TCF12: variants seen among roughly 807,000 people sequenced by gnomAD.
The protein encoded by TCF12 is transcription factor 12.
A neutral mutation model predicts 86.0 loss-of-function variants in TCF12; 45 were observed. The observed-to-expected ratio is 0.52, with a 90% confidence interval of 0.41 to 0.67. The LOEUF is 0.67. Among genes scored for constraint, TCF12 ranks in the 30% least tolerant of loss-of-function variants. TCF12 has a pLI of 0.00. For missense variants in TCF12, 881 were observed against 859.9 expected, an observed-to-expected ratio of 1.02 and a Z score of -0.31; for synonymous variants, 330 against 299.6, an observed-to-expected ratio of 1.10 and a Z score of -1.05.
chr15:57,045,214 A>G (rs1307850247), intron 3 of TCF12, among the ~76,000 whole-genome samples: 3 of 152,332 alleles, frequency 2.0e-5, no homozygotes, highest in East Asian at 1.9e-4. Flanking sequence ...GGCAGAACCT[A>G]TGTTTCCTTT....
intron 4 of TCF12, among the ~76,000 whole-genome samples, chr15:57,087,063 CTCCCTCTCTCTCCCTCTG>C (rs1292696410): frequency 5.1e-5 from 7 of 137,416 alleles, no homozygotes; most frequent in African/African-American, 1.5e-4. Flanking sequence ...CTCCCTCTGT[CTCCCTCTCTCTCCCTCTG>C]TCTCCCTCTG....
chr15:57,244,251 C>T (rs1040567055), intron 13 of TCF12, among the ~76,000 whole-genome samples: 1 of 152,162 alleles, frequency 6.6e-6, no homozygotes, highest in South Asian at 2.1e-4. Context: ...CATGTAACTT[C>T]CTCCTTGTTC....
intron 4 of TCF12, among the ~76,000 whole-genome samples, chr15:57,070,886 A>G (rs1397514237): frequency 6.6e-6 from 1 of 152,154 alleles, no homozygotes; most frequent in Non-Finnish European, 1.5e-5. Context: ...TTAAGAGTGT[A>G]TCTATGGGCA....
intron 3 of TCF12, among the ~76,000 whole-genome samples, chr15:56,922,920 T>C: frequency 6.6e-6 from 1 of 152,012 alleles, no homozygotes; most frequent in Non-Finnish European, 1.5e-5. Flanking sequence ...CTTATATATT[T>C]TATATTTATA....
chr15:57,075,744 T>C (rs1277196283), intron 4 of TCF12, among the ~76,000 whole-genome samples: 5 of 151,714 alleles, frequency 3.3e-5, no homozygotes, highest in Non-Finnish European at 5.9e-5. Flanking sequence ...TTTCTGGACA[T>C]GACATGAGGT....
intron 8 of TCF12, among the ~76,000 whole-genome samples, chr15:57,228,989 T>A (rs2059011041): frequency 6.6e-6 from 1 of 152,014 alleles, no homozygotes. Flanking sequence ...GGATGATGTG[T>A]ATAGTAAGTG....
chr15:57,064,490 C>T (rs1305319938), intron 4 of TCF12, among the ~76,000 whole-genome samples: 8 of 151,974 alleles, frequency 5.3e-5, no homozygotes, highest in South Asian at 2.1e-4. Context: ...AGTAAACTGA[C>T]GAGGTTAAGA....
intron 5 of TCF12, among the ~76,000 whole-genome samples, chr15:57,107,896 G>C (rs772151150): frequency 2.6e-5 from 4 of 152,120 alleles, no homozygotes; most frequent in Admixed American, 6.5e-5. Context: ...GACAGAGTGA[G>C]GCCCTGTCTC....
chr15:57,211,477 ATAAC>A (rs1420068609), intron 8 of TCF12, among the ~76,000 whole-genome samples: 3 of 152,232 alleles, frequency 2.0e-5, no homozygotes, highest in Non-Finnish European at 4.4e-5. Flanking sequence ...GGAGTTATAT[ATAAC>A]TAGCCTTTTA....
At chr15:57,157,070 A>G (rs2054160963) in intron 5 of TCF12, among the ~76,000 whole-genome samples, 1 of 152,200 alleles carries the variant, frequency 6.6e-6, no homozygotes, top group South Asian at 2.1e-4. Flanking sequence ...TTATTTGGTG[A>G]TGTGATTGTT....
intron 3 of TCF12, among the ~76,000 whole-genome samples, chr15:57,063,454 C>T (rs1240857083): frequency 6.6e-6 from 1 of 152,162 alleles, no homozygotes; most frequent in Non-Finnish European, 1.5e-5. Context: ...CTAGAAGTAG[C>T]AGTGCAGGGC....
intron 8 of TCF12, among the ~76,000 whole-genome samples, chr15:57,208,665 G>A (rs543496464): frequency 1.8e-4 from 28 of 151,620 alleles, no homozygotes; most frequent in African/African-American, 2.9e-4. Flanking sequence ...GATTACATGC[G>A]TGAGCCACTG....
At chr15:57,255,429 C>T (rs1283248338) in intron 16 of TCF12, among the ~76,000 whole-genome samples, 2 of 152,122 alleles carry the variant, frequency 1.3e-5, no homozygotes, top group Non-Finnish European at 2.9e-5. Flanking sequence ...ATGCACTGCC[C>T]ACTTCAGAAC....
intron 3 of TCF12, among the ~76,000 whole-genome samples, chr15:57,023,199 A>T (rs1254624138): frequency 6.6e-6 from 1 of 152,178 alleles, no homozygotes; most frequent in African/African-American, 2.4e-5. Context: ...CACTTGTTTC[A>T]TAGAGATTAT....
At chr15:57,019,784 G>A (rs1379203866) in intron 3 of TCF12, among the ~76,000 whole-genome samples, 5 of 152,028 alleles carry the variant, frequency 3.3e-5, no homozygotes, top group African/African-American at 1.2e-4. Flanking sequence ...TGTGACCTCT[G>A]GCCACATGAC....
intron 3 of TCF12, among the ~76,000 whole-genome samples, chr15:56,992,004 A>T (rs185639764): frequency 2.0e-5 from 3 of 152,190 alleles, no homozygotes; most frequent in Non-Finnish European, 4.4e-5. Flanking sequence ...CCTGTACCCT[A>T]GTACTTTAGG....
At chr15:57,017,435 C>G (rs1019179676) in intron 3 of TCF12, among the ~76,000 whole-genome samples, 2 of 152,188 alleles carry the variant, frequency 1.3e-5, no homozygotes, top group Non-Finnish European at 2.9e-5. Flanking sequence ...TATTGCCTAT[C>G]ATTGCTTTTG....
At chr15:57,216,055 A>C (rs1192416552) in intron 8 of TCF12, among the ~76,000 whole-genome samples, 4 of 152,274 alleles carry the variant, frequency 2.6e-5, no homozygotes, top group African/African-American at 9.6e-5. Context: ...TTGTTTAGGC[A>C]AAGCACGTTA....
At chr15:56,981,306 C>T (rs1394753980) in intron 3 of TCF12, among the ~76,000 whole-genome samples, 1 of 152,214 alleles carries the variant, frequency 6.6e-6, no homozygotes, top group Non-Finnish European at 1.5e-5. Context: ...GGTTTGATCT[C>T]TGGTTCTAAG....
Sources: allele counts gnomAD v4.1 joint callset (sites outside exome capture counted in the v4.1 genomes callset), GRCh38; gene constraint gnomAD v4.1.1; transcripts MANE v1.5; gene names NCBI Gene and HGNC (gene_info 2026-07-23, HGNC 2026-07-21).